Variants in FLG observed in about 807,000 individuals in gnomAD.
The protein encoded by FLG is filaggrin.
A neutral mutation model predicts 3.8 loss-of-function variants in FLG; 6 were observed. That is an observed-to-expected ratio of 1.60 (90% CI 0.87 to 3.15). FLG has a LOEUF of 3.15. Among genes scored for constraint, FLG ranks in the 30% most tolerant of loss-of-function variants. The probability of loss-of-function intolerance (pLI) is 0.00; values close to 1 mark genes in which losing one functional copy is unlikely to be tolerated. For missense variants in FLG, 7,595 were observed against 5,050.9 expected (o/e 1.50, Z -15.27); for synonymous variants, 2,551 against 1,931.6 (o/e 1.32, Z -8.41).
At chr1:152,321,585 G>A (rs558235014) in intron 1 of FLG, among the ~76,000 whole-genome samples, 1 of 149,612 alleles carries the variant, frequency 6.7e-6, no homozygotes, top group Non-Finnish European at 1.5e-5. Flanking sequence ...GAAATGTCTA[G>A]AAAAACACTT....
rs147429418 is a variant in FLG, at chr1:152,305,077, C to A, written c.9809G>T (p.Arg3270Leu). ...DRAGHGHSAD[R>L]SRQSGTRHAE... ...GTGACGAGTGCCTGATTGTCTGGAGCGGTCTGCAGAGTGCCCGTGACCGGC... is the reference window on the plus strand; with the variant it reads ...GTGACGAGTGCCTGATTGTCTGGAGAGGTCTGCAGAGTGCCCGTGACCGGC... Residue 3270 changes from arginine to leucine, a missense_variant, in exon 3 of 3, where the codon CGC (arginine) becomes CTC (leucine). Coordinates refer to ENST00000368799, the MANE Select transcript of FLG (RefSeq NM_002016.2). 3.7e-6 allele frequency: 6 copies of A among 1,613,790 alleles called. No homozygotes were observed. In the African/African-American group the frequency reaches 5.3e-5, roughly 14 times the overall value.
Position 152,310,905 on chromosome 1 carries a change from T to A in FLG, c.3981A>T (p.Arg1327Ser), listed in dbSNP as rs199800496. Residue 1327 changes from arginine (R) to serine (S), a missense_variant, in exon 3 of 3, where the codon AGA becomes AGT. Arg to Ser is a moderately radical substitution (Grantham distance 110, BLOSUM62 -1). Transcript: ENST00000368799. The part of the protein sequence containing the change: ...ASHGHSADSS[R>S]QSGTHHTESS... Reference sequence around the variant, plus strand: ...ACTCTGTGTGATGAGTGCCTGATTGTCTGGAGCTGTCTGCAGAGTGCCCGT... The same window carrying A: ...ACTCTGTGTGATGAGTGCCTGATTGACTGGAGCTGTCTGCAGAGTGCCCGT... 2.5e-6 allele frequency: 4 copies of A among 1,614,110 alleles called. No individual in the cohort carries two copies. The Admixed American group carries it at 6.7e-5, about 27-fold the overall frequency.
chr1:152,310,385 G>A lies in FLG; in HGVS notation c.4501C>T (p.Gln1501Ter). ...ACTGATTGCTCGTGGTAGGATCCCTGCCTTCCTCCTCTGCTTGACCCCGGG... is the reference window on the plus strand; with the variant it reads ...ACTGATTGCTCGTGGTAGGATCCCTACCTTCCTCCTCTGCTTGACCCCGGG... ...GHPGSSRGGR[Q>*]GSYHEQSVDR... Residue 1501 changes from glutamine to a stop codon, truncating the protein, a stop_gained, in exon 3 of 3, where the codon CAG becomes TAG. Transcript: ENST00000368799. LOFTEE classifies it low-confidence loss of function (END_TRUNC). 6.2e-6 allele frequency: 10 copies of A among 1,613,702 alleles called. No homozygotes were observed. The highest frequency in any genetic ancestry group is 8.5e-6 in the Non-Finnish European group (10 of 1,179,962).
rs1557874279 is a variant in FLG, at chr1:152,307,518, T to C, written c.7368A>G (p.Gln2456=). The change falls in exon 3 of 3, where the codon CAA becomes CAG. Residue 2456 remains glutamine (Q), a synonymous_variant. Coordinates refer to ENST00000368799, the MANE Select transcript of FLG (RefSeq NM_002016.2). ...GTCCATGAATGGTGTCCTGACCCTC[T>C]TGGGACGTTGAGTGCCTGGAGCTGT... The part of the protein sequence containing the change: ...ARDSSRHSTS[Q]EGQDTIHGHP... 4 of 1,613,272 alleles carry C rather than the reference T, an allele frequency of 2.5e-6. No homozygotes were observed. The highest frequency in any genetic ancestry group is 3.4e-6 in the Non-Finnish European group (4 of 1,179,728).
rs1370943127 is a variant in FLG at position 152,311,234 on chromosome 1, T to G, written c.3652A>C (p.Arg1218=). The G allele has an allele frequency of 6.2e-7, 1 of 1,613,788 alleles. No individual in the cohort carries two copies. The highest frequency in any genetic ancestry group is 2.2e-5 in the East Asian group (1 of 44,834). ...HGQSGSRSAS[R]QTRKDKQSGD... ...GATTGTTTGTCCTTACGAGTTTGTC[T>G]GCTTGCACTTCTGGATCCTGACTGC... Residue 1218 remains arginine, a synonymous_variant, in exon 3 of 3, where the codon AGA becomes CGA. Transcript: ENST00000368799.
In FLG at chr1:152,307,594, G is replaced by A. The variant is rs776166751; in HGVS notation, c.7292C>T (p.Thr2431Ile). Residue 2431 changes from threonine to isoleucine, a missense_variant, in exon 3 of 3, where the codon ACC becomes ATC. By Grantham distance (89) the Thr-to-Ile change is moderately conservative (BLOSUM62 -1). Transcript: ENST00000368799. ...TTGTCTTCCTCCAGTGCTGGTCCCG[G>A]TCCGTCCATGGGCGGACTCAGACTG... is the stretch of plus-strand genomic sequence containing the variant. ...HEQSESAHGR[T>I]GTSTGGRQGS... 5.6e-6 allele frequency: 9 copies of A among 1,613,768 alleles called. No homozygotes were observed. The highest frequency in any genetic ancestry group is 3.3e-5 in the South Asian group (3 of 91,064).
At chr1:152,314,971 T>G (rs1652725839) in intron 2 of FLG, 1 of 542,318 alleles carries the variant, frequency 1.8e-6, no homozygotes, top group African/African-American at 1.9e-5. Flanking sequence ...AGTGACTCTT[T>G]TTCTTATTTT....
Position 152,309,107 on chromosome 1 carries a change from G to T in FLG, c.5779C>A (p.His1927Asn), listed in dbSNP as rs1212046988. The change falls in exon 3 of 3, where the codon CAC becomes AAC. Residue 1927 changes from histidine to asparagine, a missense_variant. His to Asn is a moderately conservative substitution (Grantham distance 68). Transcript: ENST00000368799. ...GACCACCTCTCAGAGTCTTCTGAGT[G>T]TCCCTGACTGTCACTGTCCTGGCTA... ...SVSQDSDSQG[H>N]SEDSERWSGS... The T allele has an allele frequency of 6.2e-7, 1 of 1,614,010 alleles. No individual in the cohort carries two copies. Among genetic ancestry groups the T allele is most frequent in the East Asian group, 2.2e-5 (1 of 44,876 alleles).
Position 152,313,110 on chromosome 1 carries a change from G to A in FLG, c.1776C>T (p.Ser592=). Residue 592 remains serine, a synonymous_variant, in exon 3 of 3, where the codon TCC becomes TCT. Transcript: ENST00000368799. ...RHSGSRHHEA[S]SQADSSRHSQ... ...AGTGTCTAGAGCTGTCAGCCTGAGA[G>A]GAAGCTTCATGATGACGTGACCCTG... The A allele has an allele frequency of 1.2e-6, 2 of 1,613,864 alleles. No individual in the cohort carries two copies. Among genetic ancestry groups the A allele is most frequent in the Non-Finnish European group, 1.7e-6 (2 of 1,179,996 alleles).
Position 152,304,315 on chromosome 1 carries a change from C to T in FLG, c.10571G>A (p.Gly3524Glu), listed in dbSNP as rs1226447675. ...DSSRHSQSGQGQSAGPRTSRN... is the reference protein window; with the variant it reads ...DSSRHSQSGQEQSAGPRTSRN... Reference sequence around the variant, plus strand: ...GCTTGTCCTGGGCCCCGCTGATTGTCCCTGGCCGGACTGTGAGTGTCTAGA... The same window carrying T: ...GCTTGTCCTGGGCCCCGCTGATTGTTCCTGGCCGGACTGTGAGTGTCTAGA... Residue 3524 changes from glycine (G) to glutamate (E), a missense_variant, in exon 3 of 3, where the codon GGA becomes GAA. Physicochemically the swap from Gly to Glu is moderately conservative, Grantham distance 98. Coordinates refer to ENST00000368799, the MANE Select transcript of FLG (RefSeq NM_002016.2). 9 of 1,611,796 alleles carry T rather than the reference C, an allele frequency of 5.6e-6. No individual in the cohort carries two copies. The Admixed American group carries it at 1.2e-4, about 21-fold the overall frequency.
At chr1:152,324,975 A>T (rs1653101369) in intron 1 of FLG, among the ~76,000 whole-genome samples, 1 of 151,906 alleles carries the variant, frequency 6.6e-6, no homozygotes, top group African/African-American at 2.4e-5. Flanking sequence ...TAAATGGACA[A>T]TCTAACAATA....
At position 152,308,636 on chromosome 1, in the gene FLG, A is replaced by C. The variant is rs746024413; in HGVS notation, c.6250T>G (p.Ser2084Ala). The C allele has an allele frequency of 3.7e-6, 6 of 1,613,964 alleles. No homozygotes were observed. In the East Asian group the frequency reaches 1.3e-4, roughly 36 times the overall value. The change falls in exon 3 of 3, where the codon TCT (serine) becomes GCT (alanine). Residue 2084 changes from serine (S) to alanine (A), a missense_variant. Physicochemically the swap from Ser to Ala is moderately conservative, Grantham distance 99. Transcript: ENST00000368799. Reference protein sequence around the residue: ...ESARGQSGESSGRSGSFLYQV... With the variant: ...ESARGQSGESAGRSGSFLYQV... ...TAGAGGAAAGACCCTGAACGTCCAG[A>C]GCTTTCCCCTGACTGGCCACGTGCG...
chr1:152,310,724 G>C lies in FLG; in HGVS notation c.4162C>G (p.Arg1388Gly), dbSNP rs756594053. Residue 1388 changes from arginine (R) to glycine (G), a missense_variant, in exon 3 of 3, where the codon CGA becomes GGA. Physicochemically the swap from Arg to Gly is moderately radical, Grantham distance 125 (BLOSUM62 -2). Transcript: ENST00000368799. ...GTGACCTGACTACCACTGGACCCTC[G>C]GTGTCCACTGTCTCTGACTGCAGAT... is the stretch of plus-strand genomic sequence containing the variant. ...ASSAVRDSGH[R>G]GSSGSQVTNS... 3 of 1,613,912 alleles carry C rather than the reference G, an allele frequency of 1.9e-6. No individual in the cohort carries two copies. Among genetic ancestry groups the C allele is most frequent in the Non-Finnish European group, 2.5e-6 (3 of 1,179,970 alleles).
chr1:152,311,492 C>T lies in FLG; in HGVS notation c.3394G>A (p.Gly1132Arg), dbSNP rs1452393267. 2 of 1,613,766 alleles carry T rather than the reference C, an allele frequency of 1.2e-6. No individual in the cohort carries two copies. The highest frequency in any genetic ancestry group is 1.3e-5 in the African/African-American group (1 of 74,858). Residue 1132 changes from glycine (G) to arginine (R), a missense_variant, in exon 3 of 3, where the codon GGG (glycine) becomes AGG (arginine). Physicochemically the swap from Gly to Arg is moderately radical, Grantham distance 125. Transcript: ENST00000368799. ...STHEQSESAHGRTRTSTGRRQ... is the reference protein window; with the variant it reads ...STHEQSESAHRRTRTSTGRRQ... Reference sequence around the variant, plus strand: ...CGTCCAGTGCTGGTCCTGGTCCGCCCATGGGCAGACTCAGACTGTTCATGA... The same window carrying T: ...CGTCCAGTGCTGGTCCTGGTCCGCCTATGGGCAGACTCAGACTGTTCATGA...
rs763610604 is a variant in FLG, at chr1:152,304,938, T to C, written c.9948A>G (p.Ser3316=). The change falls in exon 3 of 3, where the codon TCA becomes TCG. Residue 3316 remains serine (S), a synonymous_variant. Transcript: ENST00000368799. ...ATGAAGCTTGTCCACGCGGAATGCC[T>C]GAGTGTCTGGAGCTGTCTGCTGACT... ...HQQSADSSRH[S]GIPRGQASSA... 1 of 1,613,856 alleles carries C rather than the reference T, an allele frequency of 6.2e-7. No individual in the cohort carries two copies. Among genetic ancestry groups the C allele is most frequent in the Non-Finnish European group, 8.5e-7 (1 of 1,179,988 alleles).
At position 152,312,988 on chromosome 1, in the gene FLG, T is replaced by A; in HGVS notation, c.1898A>T (p.Asp633Val). 6.2e-7 allele frequency: 1 copy of A among 1,613,720 alleles called. No homozygotes were observed. The highest frequency in any genetic ancestry group is 8.5e-7 in the Non-Finnish European group (1 of 1,179,952). The stretch of plus-strand genomic sequence containing the variant: ...AGCAGACCCAGACCACCTCTCAGAG[T>A]CTTCTGAGTGTCCCTGACTGTCACT... The part of the protein sequence containing the change: ...QDSDSQGHSE[D>V]SERWSGSASR... The change falls in exon 3 of 3, where the codon GAC becomes GTC. Residue 633 changes from aspartate (D) to valine (V), a missense_variant. Physicochemically the swap from Asp to Val is radical, Grantham distance 152. Transcript: ENST00000368799.
Position 152,304,862 on chromosome 1 carries a change from C to T in FLG, c.10024G>A (p.Asp3342Asn). Reference sequence around the variant, plus strand: ...GACTCTTCTGAATGTCCCTCACTATCACTGGCCTGACTACCACTGGACCCC... The same window carrying T: ...GACTCTTCTGAATGTCCCTCACTATTACTGGCCTGACTACCACTGGACCCC... Reference protein sequence around the residue: ...HWGSSGSQASDSEGHSEESDT... With the variant: ...HWGSSGSQASNSEGHSEESDT... The change falls in exon 3 of 3, where the codon GAT (aspartate) becomes AAT (asparagine). Residue 3342 changes from aspartate to asparagine, a missense_variant. By Grantham distance (23) the Asp-to-Asn change is conservative (BLOSUM62 1). Coordinates refer to ENST00000368799, the MANE Select transcript of FLG (RefSeq NM_002016.2). 6.2e-7 allele frequency: 1 copy of T among 1,613,896 alleles called. No individual in the cohort carries two copies. The highest frequency in any genetic ancestry group is 8.5e-7 in the Non-Finnish European group (1 of 1,179,970).
At position 152,312,651 on chromosome 1, in the gene FLG, A is replaced by G. The variant is rs150144110; in HGVS notation, c.2235T>C (p.Ser745=). The change falls in exon 3 of 3, where the codon AGT becomes AGC. Residue 745 remains serine (S), a synonymous_variant. Coordinates refer to ENST00000368799, the MANE Select transcript of FLG (RefSeq NM_002016.2). The stretch of plus-strand genomic sequence containing the variant: ...AATGTCCCTCACTGTCAGTGGCCTG[A>G]CTACCACTGGACCCTCGGTGTCCAC... ...RDSGHRGSSG[S]QATDSEGHSE... 161 of 1,613,730 alleles carry G rather than the reference A, an allele frequency of 1.0e-4. 1 individual carries two copies. The African/African-American group carries it at 1.6e-3, about 16-fold the overall frequency.
At position 152,311,147 on chromosome 1, in the gene FLG, A is replaced by C. The variant is rs765221582; in HGVS notation, c.3739T>G (p.Ser1247Ala). The C allele has an allele frequency of 1.9e-6, 3 of 1,613,214 alleles. No individual in the cohort carries two copies. Among genetic ancestry groups the C allele is most frequent in the South Asian group, 2.2e-5 (2 of 91,044 alleles). The change falls in exon 3 of 3, where the codon TCT (serine) becomes GCT (alanine). Residue 1247 changes from serine to alanine, a missense_variant. Ser to Ala is a moderately conservative substitution (Grantham distance 99, BLOSUM62 1). Coordinates refer to ENST00000368799, the MANE Select transcript of FLG (RefSeq NM_002016.2). ...TCCTGTCCCACCTGTGAGTGTCTAG[A>C]GCTGTCAGCCCAAGAGGCAGCTTCA... Reference protein sequence around the residue: ...HHEAASWADSSRHSQVGQEQS... With the variant: ...HHEAASWADSARHSQVGQEQS...
Sources: gnomAD v4.1 joint callset for allele counts (sites outside exome capture counted in the v4.1 genomes callset) on GRCh38, gnomAD v4.1.1 for gene constraint, MANE v1.5 for transcripts, NCBI Gene and HGNC (gene_info 2026-07-23, HGNC 2026-07-21) for gene names.